Variants in TSEN34 observed in about 807,000 individuals in gnomAD.
TSEN34 encodes the protein tRNA-splicing endonuclease subunit Sen34.
Under a neutral mutation model 30.2 loss-of-function variants are expected in TSEN34, and 25 were observed. That is an observed-to-expected ratio of 0.83 (90% CI 0.60 to 1.16). The LOEUF is 1.16. Among genes scored for constraint, TSEN34 ranks in the 50% most tolerant of loss-of-function variants. TSEN34 has a pLI of 0.00. For synonymous variants in TSEN34, 209 were observed against 177.4 expected (o/e 1.18, Z -1.41); for missense variants, 475 against 411.9 (o/e 1.15, Z -1.33).
At chr19:54,190,551 G>A, upstream of TSEN34, 2 of 1,243,222 alleles carry the variant, frequency 1.6e-6, no homozygotes, top group Non-Finnish European at 2.1e-6. Flanking sequence ...ACTGGGGTGC[G>A]CTGGCGCTCG....
In TSEN34 at chr19:54,193,416, GT is replaced by G; in HGVS notation, c.*56del. ...GTCGGCAGCAAGAGCCTTTCTGGAT[GT>G]TCCCCAGCTCTTCTCTGGGAGTCTA... is the stretch of plus-strand genomic sequence containing the variant. On this transcript the variant is annotated 3_prime_UTR_variant, in exon 4 of 4. Coordinates refer to ENST00000396388, the MANE Select transcript of TSEN34 (RefSeq NM_001077446.4). 1 of 1,610,288 alleles carries G rather than the reference GT, an allele frequency of 6.2e-7. No homozygotes were observed. Among genetic ancestry groups the G allele is most frequent in the Non-Finnish European group, 8.5e-7 (1 of 1,178,412 alleles).
At chr19:54,192,079 T>A (rs1473993752) in intron 2 of TSEN34, 37 bp from the exon 3 acceptor site, 5 of 1,614,098 alleles carry the variant, frequency 3.1e-6, no homozygotes, top group Non-Finnish European at 4.2e-6. Flanking sequence ...ACTTTACCCC[T>A]TGAATTTACC....
upstream of TSEN34, chr19:54,190,575 C>T: frequency 2.4e-6 from 3 of 1,247,326 alleles, no homozygotes; most frequent in East Asian, 6.3e-5. Flanking sequence ...GGGGCGGGGC[C>T]ACAGGCCGCG....
At chr19:54,189,981 G>T, upstream of TSEN34, 3 of 442,490 alleles carry the variant, frequency 6.8e-6, no homozygotes, top group South Asian at 5.4e-5. Context: ...TACAAGTGAC[G>T]CTAGGATGAT....
Position 54,194,066 on chromosome 19 carries a change from A to G in TSEN34, c.*704A>G, listed in dbSNP as rs2076804929. The G allele has an allele frequency of 5.5e-6, 1 of 181,084 alleles. No individual in the cohort carries two copies. Among genetic ancestry groups the G allele is most frequent in the Non-Finnish European group, 1.2e-5 (1 of 85,246 alleles). The allele number at this position is 181,084 out of a possible 1,614,324, so 11.2% of individuals were successfully genotyped here. A position where few individuals can be genotyped will look rare whatever the true frequency, so the allele number is the denominator to read the frequency against. Reference sequence around the variant, plus strand: ...AAAATAATTTAAAAAAAAATTAGCCAGGGATCCCTTGAGCCTGGGAAGTTG... The same window carrying G: ...AAAATAATTTAAAAAAAAATTAGCCGGGGATCCCTTGAGCCTGGGAAGTTG... On this transcript the variant is annotated 3_prime_UTR_variant, in exon 4 of 4. Coordinates refer to ENST00000396388, the MANE Select transcript of TSEN34 (RefSeq NM_001077446.4).
Position 54,191,331 on chromosome 19 carries a change from G to T in TSEN34, c.-34G>T, listed in dbSNP as rs1482326441. 1 of 1,548,460 alleles carries T rather than the reference G, an allele frequency of 6.5e-7. No homozygotes were observed. The highest frequency in any genetic ancestry group is 1.2e-5 in the South Asian group (1 of 83,998). On this transcript the variant is annotated 5_prime_UTR_variant, in exon 1 of 4. Coordinates refer to ENST00000396388, the MANE Select transcript of TSEN34 (RefSeq NM_001077446.4). ...GCGGTCCGCGGCGCGCAGCTGTTTCGGTAACTGCTTTGCCTCCCGGCTCCC... is the reference window on the plus strand; with the variant it reads ...GCGGTCCGCGGCGCGCAGCTGTTTCTGTAACTGCTTTGCCTCCCGGCTCCC...
In TSEN34 at chr19:54,194,422, C is replaced by T. The variant is rs2076820812; in HGVS notation, c.*1060C>T. ...TCTGCAATTTTTATAAAAGCTAAAA[C>T]ACATGTATTTGTAAAAAATTTGCAC... On this transcript the variant is annotated 3_prime_UTR_variant, in exon 4 of 4. Coordinates refer to ENST00000396388, the MANE Select transcript of TSEN34 (RefSeq NM_001077446.4). 6.6e-6 allele frequency: 1 copy of T among 152,054 alleles called. No homozygotes were observed. The highest frequency in any genetic ancestry group is 2.4e-5 in the African/African-American group (1 of 41,378). The allele number at this position is 152,054 out of a possible 1,614,324, so 9.4% of individuals were successfully genotyped here. A position where few individuals can be genotyped will look rare whatever the true frequency, so the allele number is the denominator to read the frequency against.
upstream of TSEN34, chr19:54,190,391 G>A (rs534978453): frequency 1.1e-5 from 16 of 1,497,688 alleles, no homozygotes; most frequent in South Asian, 1.9e-4. Flanking sequence ...TGGTTCTATC[G>A]GTGGACAGTG....
chr19:54,191,246 G>A (rs2076674807), upstream of TSEN34: 2 of 1,476,062 alleles, frequency 1.4e-6, no homozygotes, highest in African/African-American at 1.5e-5. Flanking sequence ...GCGAGGCCCC[G>A]CCCCCTGAGG....
At chr19:54,191,285 G>C (rs1377239204), upstream of TSEN34, 214 of 1,540,046 alleles carry the variant, frequency 1.4e-4, 1 homozygote, top group South Asian at 2.4e-3. Flanking sequence ...CCGAGACCCC[G>C]GAGGCTTTGG....
chr19:54,192,294 T>G lies in TSEN34; in HGVS notation c.666T>G (p.Ser222Arg), dbSNP rs2076739091. Residue 222 changes from serine to arginine, a missense_variant, in exon 3 of 4, where the codon AGT (serine) becomes AGG (arginine). By Grantham distance (110) the Ser-to-Arg change is moderately radical. Transcript: ENST00000396388. ...GCCCTGCCCACGAGCTGCGCTACAG[T>G]ATCTACAGAGACCTGTGGGAGCGAG... Reference protein sequence around the residue: ...AGRPAHELRYSIYRDLWERGF... With the variant: ...AGRPAHELRYRIYRDLWERGF... The G allele has an allele frequency of 1.9e-6, 3 of 1,614,090 alleles. No homozygotes were observed. In the East Asian group the frequency reaches 6.7e-5, roughly 36 times the overall value.
At position 54,193,940 on chromosome 19, in the gene TSEN34, C is replaced by T; in HGVS notation, c.*578C>T. On this transcript the variant is annotated 3_prime_UTR_variant, in exon 4 of 4. Transcript: ENST00000396388. ...ATAGGCTGGGCACGATGACCCACAC[C>T]TGTAATCCCACAGAACTTTTGGAGG... 1 of 475,752 alleles carries T rather than the reference C, an allele frequency of 2.1e-6. No homozygotes were observed. Among genetic ancestry groups the T allele is most frequent in the Non-Finnish European group, 3.7e-6 (1 of 268,556 alleles). The allele number at this position is 475,752 out of a possible 1,614,324, so 29.5% of individuals were successfully genotyped here.
Position 54,191,591 on chromosome 19 carries a change from C to T in TSEN34, c.227C>T (p.Ser76Phe), listed in dbSNP as rs368255252. 9 of 1,603,168 alleles carry T rather than the reference C, an allele frequency of 5.6e-6. No individual in the cohort carries two copies. In the East Asian group the frequency reaches 6.7e-5, roughly 12 times the overall value. Residue 76 changes from serine to phenylalanine, a missense_variant, in exon 1 of 4, where the codon TCT (serine) becomes TTT (phenylalanine). Physicochemically the swap from Ser to Phe is radical, Grantham distance 155. Coordinates refer to ENST00000396388, the MANE Select transcript of TSEN34 (RefSeq NM_001077446.4). ...VTLVSAPRPDSRHHSLALTSF... is the reference protein window; with the variant it reads ...VTLVSAPRPDFRHHSLALTSF... ...CTGGTCAGCGCCCCGCGTCCAGACT[C>T]TCGGCACCACAGCCTGGTAAGGGGG... is the stretch of plus-strand genomic sequence containing the variant.
At chr19:54,191,206 C>T (rs1191479875), upstream of TSEN34, 2 of 1,388,382 alleles carry the variant, frequency 1.4e-6, no homozygotes, top group Non-Finnish European at 1.9e-6. Context: ...GCCTGGCGCT[C>T]GGGCCCAGCA....
Position 54,191,593 on chromosome 19 carries a change from C to G in TSEN34, c.229C>G (p.Arg77Gly). 1 of 1,603,300 alleles carries G rather than the reference C, an allele frequency of 6.2e-7. No individual in the cohort carries two copies. Among genetic ancestry groups the G allele is most frequent in the Non-Finnish European group, 8.5e-7 (1 of 1,179,434 alleles). ...TLVSAPRPDS[R>G]HHSLALTSFK... Reference sequence around the variant, plus strand: ...GGTCAGCGCCCCGCGTCCAGACTCTCGGCACCACAGCCTGGTAAGGGGGCG... The same window carrying G: ...GGTCAGCGCCCCGCGTCCAGACTCTGGGCACCACAGCCTGGTAAGGGGGCG... The change falls in exon 1 of 4, where the codon CGG becomes GGG. Residue 77 changes from arginine (R) to glycine (G), a missense_variant. By Grantham distance (125) the Arg-to-Gly change is moderately radical (BLOSUM62 -2). Transcript: ENST00000396388.
intron 3 of TSEN34, 32 bp downstream of exon 3, chr19:54,192,405 G>A (rs1363466978): frequency 6.2e-7 from 1 of 1,613,206 alleles, no homozygotes; most frequent in African/African-American, 1.3e-5. Context: ...TGGTTGCTGT[G>A]CCTTTCCATA....
At chr19:54,191,234 G>T, upstream of TSEN34, 1 of 1,446,358 alleles carries the variant, frequency 6.9e-7, no homozygotes, top group Non-Finnish European at 9.1e-7. Flanking sequence ...AACGGCGGCT[G>T]AGCGAGGCCC....
intron 3 of TSEN34, among the ~76,000 whole-genome samples, chr19:54,192,620 G>A (rs911316291): frequency 9.2e-5 from 14 of 152,042 alleles, no homozygotes; most frequent in African/African-American, 3.4e-4. Context: ...AGACAGACAG[G>A]AAACATTTGG....
chr19:54,190,627 G>C (rs1350326167), upstream of TSEN34: 2 of 1,241,734 alleles, frequency 1.6e-6, no homozygotes, highest in Non-Finnish European at 2.0e-6. Flanking sequence ...CGAACCTATT[G>C]CGTCCGGGAG....
Sources: allele counts gnomAD v4.1 joint callset (sites outside exome capture counted in the v4.1 genomes callset), GRCh38; gene constraint gnomAD v4.1.1; transcripts MANE v1.5; gene names NCBI Gene and HGNC (gene_info 2026-07-23, HGNC 2026-07-21).